Variants in SDK1 observed in about 807,000 individuals in gnomAD.
SDK1 encodes the protein protein sidekick-1.
SDK1 carries 157 observed loss-of-function variants against 245.5 expected under a neutral mutation model. That is an observed-to-expected ratio of 0.64 (90% CI 0.56 to 0.73). The LOEUF (loss-of-function observed/expected upper bound fraction) is 0.73. SDK1 is among the 30% of genes least tolerant of loss of function. The probability of loss-of-function intolerance (pLI) is 0.00; values close to 1 mark genes in which losing one functional copy is unlikely to be tolerated. For missense variants in SDK1, 3,583 were observed against 3,002.3 expected, an observed-to-expected ratio of 1.19 and a Z score of -4.52; for synonymous variants, 1,647 against 1,278.5, an observed-to-expected ratio of 1.29 and a Z score of -6.15.
At chr7:3,591,136 T>G (rs1780860383) in intron 1 of SDK1, among the ~76,000 whole-genome samples, 1 of 152,230 alleles carries the variant, frequency 6.6e-6, no homozygotes, top group African/African-American at 2.4e-5. Context: ...TTTAAGGTTG[T>G]GATACTCTGA....
intron 4 of SDK1, among the ~76,000 whole-genome samples, chr7:3,690,252 C>G (rs966240712): frequency 6.6e-6 from 1 of 152,126 alleles, no homozygotes. Context: ...TGACGATTAG[C>G]ACAAATCCAG....
chr7:4,098,779 T>G lies in SDK1; in HGVS notation c.3325-11884T>G, dbSNP rs539490018. The stretch of plus-strand genomic sequence containing the variant: ...CCCAAGCTCAAGCAATTCTCCCACC[T>G]CAGCCTCCCGAGTAGCTGGGATTAC... On this transcript the variant is annotated intron_variant, in intron 22 of 44. Coordinates refer to ENST00000404826, the MANE Select transcript of SDK1 (RefSeq NM_152744.4). Among the ~76,000 whole-genome samples, 20 of 144,232 alleles carry G rather than the reference T, an allele frequency of 1.4e-4. No individual in the cohort carries two copies. In the South Asian group the frequency reaches 4.5e-3, roughly 32 times the overall value. 94.6% of individuals were successfully genotyped at this position (144,232 alleles called of 152,430 possible). A position where few individuals can be genotyped will look rare whatever the true frequency, so the allele number is the denominator to read the frequency against.
At chr7:3,843,393 C>T (rs138088278) in intron 5 of SDK1, among the ~76,000 whole-genome samples, 7 of 152,270 alleles carry the variant, frequency 4.6e-5, no homozygotes, top group Admixed American at 4.6e-4. Flanking sequence ...AACTTTGTCG[C>T]TAGCTATTTG....
chr7:3,475,401 G>C (rs1210495533), intron 1 of SDK1, among the ~76,000 whole-genome samples: 1 of 152,106 alleles, frequency 6.6e-6, no homozygotes, highest in Admixed American at 6.5e-5. Context: ...GAGCCCCCTC[G>C]GGTGTGGGGC....
At chr7:4,018,084 C>A (rs953279965) in intron 17 of SDK1, among the ~76,000 whole-genome samples, 6 of 152,188 alleles carry the variant, frequency 3.9e-5, no homozygotes, top group Non-Finnish European at 8.8e-5. Context: ...ATAAACAGAC[C>A]CTCTCCCAAC....
chr7:3,762,940 C>G (rs1161291661), intron 4 of SDK1, among the ~76,000 whole-genome samples: 2 of 152,150 alleles, frequency 1.3e-5, no homozygotes, highest in South Asian at 2.1e-4. Flanking sequence ...TAACTGTGTT[C>G]TAGCCTCCTG....
At position 3,723,164 on chromosome 7, in the gene SDK1, C is replaced by A. The variant is rs138031672; in HGVS notation, c.713+81059C>A. Among the ~76,000 whole-genome samples, 153 of 152,292 alleles carry A rather than the reference C, an allele frequency of 1.0e-3. 2 individuals carry two copies. Among genetic ancestry groups the A allele is most frequent in the African/African-American group, 3.5e-3 (145 of 41,554 alleles). On this transcript the variant is annotated intron_variant, in intron 4 of 44. Coordinates refer to ENST00000404826, the MANE Select transcript of SDK1 (RefSeq NM_152744.4). ...AAGTGTGTTCTAAAATAAAAGGCTT[C>A]TGTACTCAAAATTGAGCTTTGTCCC...
At chr7:4,044,744 C>G (rs888378986) in intron 17 of SDK1, among the ~76,000 whole-genome samples, 1 of 152,172 alleles carries the variant, frequency 6.6e-6, no homozygotes, top group Non-Finnish European at 1.5e-5. Flanking sequence ...CATGCCCTGC[C>G]TGCAGCATGT....
intron 13 of SDK1, among the ~76,000 whole-genome samples, chr7:3,980,683 C>G (rs992499444): frequency 1.3e-5 from 2 of 152,224 alleles, no homozygotes; most frequent in Non-Finnish European, 2.9e-5. Context: ...GAGGCTCACG[C>G]CTGTAATCGC....
At chr7:4,033,850 A>G (rs1788022631) in intron 17 of SDK1, among the ~76,000 whole-genome samples, 1 of 152,228 alleles carries the variant, frequency 6.6e-6, no homozygotes, top group South Asian at 2.1e-4. Context: ...ATGCAATGAT[A>G]CAACCCCTAA....
intron 1 of SDK1, among the ~76,000 whole-genome samples, chr7:3,587,311 G>C (rs1254916834): frequency 2.0e-5 from 3 of 151,974 alleles, no homozygotes; most frequent in African/African-American, 7.3e-5. Flanking sequence ...GTGTGTGTGT[G>C]TGTGTGTGTG....
chr7:3,883,909 C>T (rs1781269500), intron 5 of SDK1, among the ~76,000 whole-genome samples: 1 of 152,166 alleles, frequency 6.6e-6, no homozygotes, highest in African/African-American at 2.4e-5. Flanking sequence ...ACTTTTAAAA[C>T]ATCAATACGA....
At chr7:3,750,861 G>T (rs763897809) in intron 4 of SDK1, among the ~76,000 whole-genome samples, 6 of 152,192 alleles carry the variant, frequency 3.9e-5, no homozygotes, top group Non-Finnish European at 8.8e-5. Context: ...TTTCTCTTTT[G>T]CACTGATCCT....
intron 14 of SDK1, among the ~76,000 whole-genome samples, chr7:4,010,442 C>G (rs1785851460): frequency 6.6e-6 from 1 of 152,206 alleles, no homozygotes; most frequent in South Asian, 2.1e-4. Context: ...TCTCTCCAGC[C>G]AAAGCCACTC....
chr7:3,361,921 C>G (rs116622491), intron 1 of SDK1, among the ~76,000 whole-genome samples: 3,473 of 152,258 alleles, frequency 0.023, 146 homozygotes, highest in African/African-American at 0.079. Flanking sequence ...TACTATATAT[C>G]TAAGAGCAGA....
chr7:4,121,528 T>A (rs562350719), intron 25 of SDK1, among the ~76,000 whole-genome samples: 48 of 152,366 alleles, frequency 3.2e-4, no homozygotes, highest in Non-Finnish European at 1.6e-4. Flanking sequence ...ATCACGATTG[T>A]AATCCTGAGG....
chr7:3,621,814 G>C (rs1781950467), intron 2 of SDK1, among the ~76,000 whole-genome samples: 1 of 152,158 alleles, frequency 6.6e-6, no homozygotes, highest in Non-Finnish European at 1.5e-5. Flanking sequence ...TTTTTAAATG[G>C]ATAATATGGG....
chr7:3,484,969 G>A (rs370671676), intron 1 of SDK1, among the ~76,000 whole-genome samples: 4 of 152,160 alleles, frequency 2.6e-5, no homozygotes, highest in Admixed American at 2.6e-4. Flanking sequence ...ACGTGGGACT[G>A]CAGGTCATCT....
intron 17 of SDK1, among the ~76,000 whole-genome samples, chr7:4,045,609 C>A (rs139418838): frequency 2.0e-5 from 3 of 152,100 alleles, no homozygotes; most frequent in Non-Finnish European, 2.9e-5. Context: ...GCAGGATTAC[C>A]GGGTCACGTG....
Sources: allele counts gnomAD v4.1 joint callset (sites outside exome capture counted in the v4.1 genomes callset), GRCh38; gene constraint gnomAD v4.1.1; transcripts MANE v1.5; gene names NCBI Gene and HGNC (gene_info 2026-07-23, HGNC 2026-07-21).